The following BMP8B variants were observed in gnomAD, a reference collection of about 807,000 sequenced individuals.
BMP8B encodes bone morphogenetic protein 8b.
Under a neutral mutation model 30.3 loss-of-function variants are expected in BMP8B, and 17 were observed. The observed-to-expected ratio is 0.56, with a 90% CI of 0.38 to 0.84. BMP8B has a LOEUF of 0.84. Ranked by LOEUF, BMP8B falls within the 40% of genes least tolerant of loss-of-function variation. The probability of loss-of-function intolerance (pLI) is 0.00; values close to 1 mark genes in which losing one functional copy is unlikely to be tolerated. For missense variants in BMP8B, 253 were observed against 494.6 expected, an observed-to-expected ratio of 0.51 and a Z score of 4.63; for synonymous variants, 131 against 214.7, an observed-to-expected ratio of 0.61 and a Z score of 3.41.
At chr1:39,779,232 C>A (rs557862005) in intron 1 of BMP8B, among the ~76,000 whole-genome samples, 1 of 152,262 alleles carries the variant, frequency 6.6e-6, no homozygotes, top group East Asian at 1.9e-4. Flanking sequence ...AGGGGAGGGC[C>A]CAGGGAGCTA....
At position 39,759,091 on chromosome 1, in the gene BMP8B, C is replaced by T. The variant is rs1170919067; in HGVS notation, c.*1328G>A. On this transcript the variant is annotated 3_prime_UTR_variant, in exon 7 of 7. Coordinates refer to ENST00000372827, the MANE Select transcript of BMP8B (RefSeq NM_001720.5). ...TCTGTCTATTCCAGCAGGTAAATTA[C>T]AGGCTTAGCAAGTCAGAAATCAAAT... 1 of 152,264 alleles carries T rather than the reference C, an allele frequency of 6.6e-6. No individual in the cohort carries two copies. Among genetic ancestry groups the T allele is most frequent in the Non-Finnish European group, 1.5e-5 (1 of 68,062 alleles). 9.4% of individuals were successfully genotyped at this position (152,264 alleles called of 1,614,324 possible).
intron 1 of BMP8B, among the ~76,000 whole-genome samples, chr1:39,782,952 C>A (rs230324): frequency 0.053 from 8,010 of 151,722 alleles, 694 homozygotes; most frequent in African/African-American, 0.18. Flanking sequence ...CGCCACCATG[C>A]CTGGCTAATT....
At chr1:39,780,516 A>C (rs149522275) in intron 1 of BMP8B, among the ~76,000 whole-genome samples, 2 of 152,346 alleles carry the variant, frequency 1.3e-5, no homozygotes, top group East Asian at 3.9e-4. Flanking sequence ...CGTGAATTCC[A>C]TTCTGGCTTG....
rs1376446232 is a variant in BMP8B at position 39,758,568 on chromosome 1, C to T, written c.*1851G>A. 1 of 152,270 alleles carries T rather than the reference C, an allele frequency of 6.6e-6. No individual in the cohort carries two copies. Among genetic ancestry groups the T allele is most frequent in the African/African-American group, 2.4e-5 (1 of 41,452 alleles). The allele number at this position is 152,270 out of a possible 1,614,324, so 9.4% of individuals were successfully genotyped here. A position where few individuals can be genotyped will look rare whatever the true frequency, so the allele number is the denominator to read the frequency against. Reference sequence around the variant, plus strand: ...GCCAACTCTGCTTCGTGACAGCCACCAGAGCCCCACATTCAGGGTTATGAG... The same window carrying T: ...GCCAACTCTGCTTCGTGACAGCCACTAGAGCCCCACATTCAGGGTTATGAG... On this transcript the variant is annotated 3_prime_UTR_variant, in exon 7 of 7. Coordinates refer to ENST00000372827, the MANE Select transcript of BMP8B (RefSeq NM_001720.5).
intron 6 of BMP8B, chr1:39,762,479 C>T (rs540323541): frequency 4.2e-4 from 650 of 1,538,128 alleles, no homozygotes; most frequent in South Asian, 1.2e-3. Flanking sequence ...GTGAGCAGCA[C>T]CAGTGATCCC....
intron 3 of BMP8B, chr1:39,769,500 C>G (rs571302534): frequency 9.7e-4 from 665 of 683,318 alleles, no homozygotes; most frequent in Non-Finnish European, 1.2e-3. Context: ...TTGCAGTGCT[C>G]GAGAAACACA....
intron 1 of BMP8B, among the ~76,000 whole-genome samples, chr1:39,777,128 C>T (rs1650289565): frequency 6.6e-6 from 1 of 152,022 alleles, no homozygotes; most frequent in African/African-American, 2.4e-5. Context: ...CAATACCTAG[C>T]AAAATTACAT....
intron 1 of BMP8B, among the ~76,000 whole-genome samples, chr1:39,777,806 C>T (rs566667620): frequency 6.6e-6 from 1 of 152,318 alleles, no homozygotes; most frequent in Admixed American, 6.5e-5. Flanking sequence ...CCTCCCTTCG[C>T]TGGCCCTGCC....
chr1:39,778,636 G>A (rs1488332245), intron 1 of BMP8B, among the ~76,000 whole-genome samples: 10 of 152,140 alleles, frequency 6.6e-5, no homozygotes, highest in Non-Finnish European at 1.2e-4. Context: ...TACCGGTCCA[G>A]GCCTCAGACA....
chr1:39,762,864 G>A (rs1190071278), intron 6 of BMP8B, among the ~76,000 whole-genome samples: 1 of 152,250 alleles, frequency 6.6e-6, no homozygotes, highest in Admixed American at 6.5e-5. Context: ...ATGTGTACAC[G>A]ACTGTTCACG....
At chr1:39,771,391 C>T (rs933676771) in intron 3 of BMP8B, 12 of 864,190 alleles carry the variant, frequency 1.4e-5, no homozygotes, top group Admixed American at 4.1e-5. Context: ...GGCGCAGGCT[C>T]TAGGCTAGGC....
At chr1:39,766,662 C>T (rs985991748) in intron 3 of BMP8B, among the ~76,000 whole-genome samples, 13 of 142,284 alleles carry the variant, frequency 9.1e-5, no homozygotes, top group African/African-American at 1.1e-4. Flanking sequence ...CTCCCTCTCA[C>T]GAGCATGGAC....
In BMP8B at chr1:39,788,360, C is replaced by A. The variant is rs1198429942; in HGVS notation, c.126G>T (p.Arg42=). 26 of 1,148,612 alleles carry A rather than the reference C, an allele frequency of 2.3e-5. No individual in the cohort carries two copies. The East Asian group carries it at 1.1e-3, about 49-fold the overall frequency. The allele number at this position is 1,148,612 out of a possible 1,614,324, so 71.2% of individuals were successfully genotyped here. A position where few individuals can be genotyped will look rare whatever the true frequency, so the allele number is the denominator to read the frequency against. The change falls in exon 1 of 7, where the codon CGG becomes CGT. Residue 42 remains arginine (R), a synonymous_variant. Coordinates refer to ENST00000372827, the MANE Select transcript of BMP8B (RefSeq NM_001720.5). The surrounding 1 kb of genome is among the most constrained non-coding windows in gnomAD (Gnocchi z 5.8). ...PQRRLGARER[R]DVQREILAVL... Reference sequence around the variant, plus strand: ...CCGCCAGGATCTCGCGCTGCACGTCCCGGCGCTCGCGCGCGCCCAGACGTC... The same window carrying A: ...CCGCCAGGATCTCGCGCTGCACGTCACGGCGCTCGCGCGCGCCCAGACGTC...
chr1:39,782,447 G>A (rs74879559), intron 1 of BMP8B, among the ~76,000 whole-genome samples: 18,279 of 140,286 alleles, frequency 0.13, 1,464 homozygotes, highest in South Asian at 0.21. Flanking sequence ...ATTGAGCAGT[G>A]CCAGACACTT....
rs1040392034 is a variant in BMP8B, at chr1:39,769,078, T to C, written c.674-4261A>G. Among the ~76,000 whole-genome samples the C allele has an allele frequency of 3.4e-5, 5 of 147,614 alleles. 1 individual carries two copies. The highest frequency in any genetic ancestry group is 6.7e-5 in the Admixed American group (1 of 14,906). Reference sequence around the variant, plus strand: ...TGTGATGTGCGCCTGTAGTCCCAGCTACTCAGGAGGCTGAATTAGGATTGC... The same window carrying C: ...TGTGATGTGCGCCTGTAGTCCCAGCCACTCAGGAGGCTGAATTAGGATTGC... On this transcript the variant is annotated intron_variant, in intron 3 of 6. Coordinates refer to ENST00000372827, the MANE Select transcript of BMP8B (RefSeq NM_001720.5).
At chr1:39,787,737 G>C (rs1276375982) in intron 1 of BMP8B, among the ~76,000 whole-genome samples, 1 of 152,140 alleles carries the variant, frequency 6.6e-6, no homozygotes, top group Non-Finnish European at 1.5e-5. Flanking sequence ...ACTCCGATGT[G>C]ACCACAGGTT....
intron 3 of BMP8B, among the ~76,000 whole-genome samples, chr1:39,768,031 G>A (rs1325694375): frequency 6.6e-6 from 1 of 151,060 alleles, no homozygotes; most frequent in Admixed American, 6.6e-5. Flanking sequence ...CTTATGCAGT[G>A]CATGCACCAG....
chr1:39,788,619 G>A lies in BMP8B; in HGVS notation c.-134C>T. ...GGCGGGCGGCGGGGCGGGGCGGGAC[G>A]GGCGGCGACCGCGGCCTCAGCGCGG... On this transcript the variant is annotated 5_prime_UTR_variant, in exon 1 of 7. Coordinates refer to ENST00000372827, the MANE Select transcript of BMP8B (RefSeq NM_001720.5). The surrounding 1 kb of genome is among the most constrained non-coding windows in gnomAD (Gnocchi z 5.8). 2.4e-6 allele frequency: 2 copies of A among 831,728 alleles called. No homozygotes were observed. Among genetic ancestry groups the A allele is most frequent in the Non-Finnish European group, 2.9e-6 (2 of 690,734 alleles). 51.5% of individuals were successfully genotyped at this position (831,728 alleles called of 1,614,324 possible). A position where few individuals can be genotyped will look rare whatever the true frequency, so the allele number is the denominator to read the frequency against.
chr1:39,782,641 T>C (rs1196244719), intron 1 of BMP8B, among the ~76,000 whole-genome samples: 1 of 152,082 alleles, frequency 6.6e-6, no homozygotes, highest in African/African-American at 2.4e-5. Context: ...CTAATTTTTG[T>C]ATTTTTAGTA....
Sources: allele counts gnomAD v4.1 joint callset (sites outside exome capture counted in the v4.1 genomes callset), GRCh38; gene constraint gnomAD v4.1.1; non-coding constraint Gnocchi (gnomAD v3.1); transcripts MANE v1.5; gene names NCBI Gene and HGNC (gene_info 2026-07-23, HGNC 2026-07-21).